CAV1: variants seen among roughly 807,000 people sequenced by gnomAD.
The protein encoded by CAV1 is caveolin 1.
CAV1 carries 10 observed loss-of-function variants against 16.5 expected under a neutral mutation model. The ratio of observed to expected loss-of-function variants is 0.61; its 90% CI spans 0.37 to 1.03. The LOEUF (loss-of-function observed/expected upper bound fraction) is 1.03, where lower values mean the gene tolerates loss of function less well. Ranked by LOEUF, CAV1 falls within the 50% of genes least tolerant of loss-of-function variation. The pLI, the probability that CAV1 is intolerant of heterozygous loss-of-function variation, is 0.01. For missense variants in CAV1, 212 were observed against 232.8 expected (o/e 0.91, Z 0.58); for synonymous variants, 76 against 85.1 (o/e 0.89, Z 0.59).
intron 2 of CAV1, among the ~76,000 whole-genome samples, chr7:116,558,601 G>C (rs1367825432): frequency 6.9e-6 from 1 of 145,474 alleles, no homozygotes; most frequent in Non-Finnish European, 1.5e-5. Flanking sequence ...AAAAAAAAAA[G>C]GATTAGCCAA....
intron 2 of CAV1, among the ~76,000 whole-genome samples, chr7:116,553,186 A>G (rs1031546661): frequency 6.6e-6 from 1 of 152,212 alleles, no homozygotes; most frequent in African/African-American, 2.4e-5. Context: ...TCTATATTTT[A>G]AAAATCCTGT....
At position 116,555,528 on chromosome 7, in the gene CAV1, G is replaced by A. The variant is rs1463186322; in HGVS notation, c.196-3418G>A. ...AGAAAGAAAGAAAGAAAGAGAGAGA[G>A]AGAGAGAGAGAGAGAGAAAGAAAGA... On this transcript the variant is annotated intron_variant, in intron 2 of 2. Coordinates refer to ENST00000341049, the MANE Select transcript of CAV1 (RefSeq NM_001753.5). Among the ~76,000 whole-genome samples, 119 of 11,986 alleles carry A rather than the reference G, an allele frequency of 9.9e-3. 3 individuals are homozygous for A. Among genetic ancestry groups the A allele is most frequent in the Middle Eastern group, 0.033 (1 of 30 alleles). 7.9% of individuals were successfully genotyped at this position (11,986 alleles called of 152,430 possible).
In CAV1 at chr7:116,559,187, G is replaced by A. The variant is rs762818040; in HGVS notation, c.437G>A (p.Arg146His). Residue 146 changes from arginine to histidine, a missense_variant, in exon 3 of 3, where the codon CGT becomes CAT. By Grantham distance (29) the Arg-to-His change is conservative. Transcript: ENST00000341049. ...CTGATTGAGATTCAGTGCATCAGCC[G>A]TGTCTATTCCATCTACGTCCACACC... ...SFLIEIQCISRVYSIYVHTVC... is the reference protein window; with the variant it reads ...SFLIEIQCISHVYSIYVHTVC... 56 of 1,613,820 alleles carry A rather than the reference G, an allele frequency of 3.5e-5. No individual in the cohort carries two copies. The highest frequency in any genetic ancestry group is 1.2e-4 in the Admixed American group (7 of 59,982).
intron 2 of CAV1, among the ~76,000 whole-genome samples, chr7:116,545,906 C>T (rs537430124): frequency 6.6e-6 from 1 of 152,304 alleles, no homozygotes; most frequent in South Asian, 2.1e-4. Context: ...GAATCCAGGC[C>T]TCTGGATGAA....
At chr7:116,537,321 G>A (rs528554715) in intron 2 of CAV1, among the ~76,000 whole-genome samples, 2 of 152,162 alleles carry the variant, frequency 1.3e-5, no homozygotes, top group East Asian at 3.9e-4. Flanking sequence ...TCGGTGCAAT[G>A]GGGCAAATCA....
intron 2 of CAV1, among the ~76,000 whole-genome samples, chr7:116,555,468 G>GAGGAAAGAA (rs1562837845): frequency 3.1e-4 from 13 of 41,988 alleles, no homozygotes; most frequent in African/African-American, 8.9e-4. Context: ...AGGAAGGAAG[G>GAGGAAAGAA]AAGGAAGGAG....
chr7:116,548,093 T>C (rs1245008071), intron 2 of CAV1, among the ~76,000 whole-genome samples: 1 of 152,180 alleles, frequency 6.6e-6, no homozygotes, highest in African/African-American at 2.4e-5. Flanking sequence ...TAAGGTATCC[T>C]TGTTTCTCAA....
At chr7:116,556,093 T>C (rs926380216) in intron 2 of CAV1, among the ~76,000 whole-genome samples, 3 of 152,242 alleles carry the variant, frequency 2.0e-5, no homozygotes, top group African/African-American at 7.2e-5. Context: ...ACTAGCAGTT[T>C]CTGAAAATGC....
rs1160595550 is a variant in CAV1 at position 116,559,299 on chromosome 7, A to C, written c.*12A>C. The C allele has an allele frequency of 6.3e-7, 1 of 1,598,632 alleles. No homozygotes were observed. Among genetic ancestry groups the C allele is most frequent in the African/African-American group, 1.3e-5 (1 of 74,568 alleles). ...AGAAAGAAATATAAATGACATTTCA[A>C]GGATAGAAGTATACCTGATTTTTTT... On this transcript the variant is annotated 3_prime_UTR_variant, in exon 3 of 3. Coordinates refer to ENST00000341049, the MANE Select transcript of CAV1 (RefSeq NM_001753.5).
intron 2 of CAV1, among the ~76,000 whole-genome samples, chr7:116,537,190 C>T (rs1377190593): frequency 6.6e-6 from 1 of 152,140 alleles, no homozygotes; most frequent in Non-Finnish European, 1.5e-5. Flanking sequence ...TAAATAACTT[C>T]TGAGGGTGTA....
chr7:116,559,378 C>A lies in CAV1; in HGVS notation c.*91C>A. 1 of 831,442 alleles carries A rather than the reference C, an allele frequency of 1.2e-6. No individual in the cohort carries two copies. The highest frequency in any genetic ancestry group is 1.4e-5 in the South Asian group (1 of 68,982). 51.5% of individuals were successfully genotyped at this position (831,442 alleles called of 1,614,324 possible). On this transcript the variant is annotated 3_prime_UTR_variant, in exon 3 of 3. Coordinates refer to ENST00000341049, the MANE Select transcript of CAV1 (RefSeq NM_001753.5). ...AAGTTCCAAGTTGCTAATACAGCAA[C>A]AATTTATGAATTGAATTATCTTGGT...
intron 2 of CAV1, among the ~76,000 whole-genome samples, chr7:116,549,272 G>T (rs1189277185): frequency 6.6e-6 from 1 of 152,140 alleles, no homozygotes; most frequent in African/African-American, 2.4e-5. Flanking sequence ...ATTCCAGTGC[G>T]TGTCCACCAC....
At chr7:116,530,310 C>A (rs1396460418) in intron 2 of CAV1, among the ~76,000 whole-genome samples, 1 of 148,546 alleles carries the variant, frequency 6.7e-6, no homozygotes, top group African/African-American at 2.5e-5. Context: ...TGTATTTTCA[C>A]TTCCCCCTTT....
chr7:116,552,915 A>T (rs556396597), intron 2 of CAV1, among the ~76,000 whole-genome samples: 24 of 152,320 alleles, frequency 1.6e-4, no homozygotes, highest in Non-Finnish European at 1.3e-4. Flanking sequence ...ATCCATCAGG[A>T]TCCTGTTGGC....
chr7:116,551,757 C>T (rs182141763), intron 2 of CAV1: 4 of 152,180 alleles, frequency 2.6e-5, no homozygotes, highest in South Asian at 4.2e-4. Flanking sequence ...CAGGGTCTCT[C>T]GGGGGCTGCA....
chr7:116,549,428 G>A (rs1000760560), intron 2 of CAV1, among the ~76,000 whole-genome samples: 1 of 152,004 alleles, frequency 6.6e-6, no homozygotes. Flanking sequence ...CTTGTCAGTG[G>A]GCTTTCCATG....
chr7:116,545,635 A>G (rs1231339903), intron 2 of CAV1, among the ~76,000 whole-genome samples: 3 of 152,232 alleles, frequency 2.0e-5, no homozygotes, highest in Non-Finnish European at 4.4e-5. Flanking sequence ...AATAGTAGGA[A>G]ACAACCTCTA....
At position 116,559,103 on chromosome 7, in the gene CAV1, A is replaced by T. The variant is rs764088855; in HGVS notation, c.353A>T (p.Tyr118Phe). The T allele has an allele frequency of 3.7e-6, 6 of 1,613,758 alleles. No homozygotes were observed. Among genetic ancestry groups the T allele is most frequent in the East Asian group, 4.5e-5 (2 of 44,884 alleles). ...GIPMALIWGIYFAILSFLHIW... is the reference protein window; with the variant it reads ...GIPMALIWGIFFAILSFLHIW... ...CCGATGGCACTCATCTGGGGCATTT[A>T]CTTCGCCATTCTCTCTTTCCTGCAC... Residue 118 changes from tyrosine to phenylalanine, a missense_variant, in exon 3 of 3, where the codon TAC becomes TTC. Tyr to Phe is a conservative substitution (Grantham distance 22). Coordinates refer to ENST00000341049, the MANE Select transcript of CAV1 (RefSeq NM_001753.5).
chr7:116,547,640 A>G (rs543130248), intron 2 of CAV1, among the ~76,000 whole-genome samples: 1 of 152,326 alleles, frequency 6.6e-6, no homozygotes, highest in Non-Finnish European at 1.5e-5. Context: ...CAAAATAAGC[A>G]GTCACTGACA....
Sources: gnomAD v4.1 joint callset for allele counts (sites outside exome capture counted in the v4.1 genomes callset) on GRCh38, gnomAD v4.1.1 for gene constraint, MANE v1.5 for transcripts, NCBI Gene and HGNC (gene_info 2026-07-23, HGNC 2026-07-21) for gene names.